HAUS1: variants seen among roughly 807,000 people sequenced by gnomAD.
The protein encoded by HAUS1 is HAUS augmin like complex subunit 1.
Under a neutral mutation model 38.6 loss-of-function variants are expected in HAUS1, and 25 were observed. The ratio of observed to expected loss-of-function variants is 0.65; its 90% confidence interval spans 0.47 to 0.91. HAUS1 has a LOEUF of 0.91. Among genes scored for constraint, HAUS1 ranks in the 40% least tolerant of loss-of-function variants. The pLI is 0.00. For missense variants in HAUS1, 325 were observed against 328.4 expected, an observed-to-expected ratio of 0.99 and a Z score of 0.08; for synonymous variants, 109 against 112.9, an observed-to-expected ratio of 0.97 and a Z score of 0.22.
At chr18:46,108,888 G>T (rs970836315) in intron 2 of HAUS1, among the ~76,000 whole-genome samples, 1 of 151,746 alleles carries the variant, frequency 6.6e-6, no homozygotes, top group Admixed American at 6.6e-5. Flanking sequence ...TGGCTAACAC[G>T]GTGAAATCCC....
intron 6 of HAUS1, among the ~76,000 whole-genome samples, chr18:46,123,730 A>G (rs1367990512): frequency 1.3e-5 from 2 of 152,164 alleles, no homozygotes; most frequent in Non-Finnish European, 2.9e-5. Context: ...TACCAAATGC[A>G]ATTCTGGGAT....
At chr18:46,121,985 G>A (rs1911955331) in intron 4 of HAUS1, among the ~76,000 whole-genome samples, 1 of 152,044 alleles carries the variant, frequency 6.6e-6, no homozygotes, top group Non-Finnish European at 1.5e-5. Flanking sequence ...AGGATTATGG[G>A]CGCATGCCAC....
At chr18:46,110,435 C>G (rs951894476) in intron 2 of HAUS1, among the ~76,000 whole-genome samples, 2 of 147,330 alleles carry the variant, frequency 1.4e-5, no homozygotes, top group Non-Finnish European at 3.0e-5. Context: ...ACCTCCACCT[C>G]CTGGGTTCAA....
At chr18:46,119,455 C>CT (rs534204087) in intron 3 of HAUS1, among the ~76,000 whole-genome samples, 10 of 150,740 alleles carry the variant, frequency 6.6e-5, no homozygotes, top group African/African-American at 1.7e-4. Context: ...ATTTTTTAAA[C>CT]TTTTTTTTTA....
chr18:46,120,088 A>G (rs759452048), intron 4 of HAUS1, 28 bp downstream of exon 4: 2 of 1,507,500 alleles, frequency 1.3e-6, no homozygotes, highest in East Asian at 4.6e-5. Flanking sequence ...GAGTGGTGAC[A>G]ATTTATAAAT....
chr18:46,118,545 T>G, intron 3 of HAUS1: 1 of 474,282 alleles, frequency 2.1e-6, no homozygotes, highest in Non-Finnish European at 3.8e-6. Flanking sequence ...GTGGTTCTCA[T>G]GTATATTTGG....
chr18:46,119,053 T>C (rs1911867807), intron 3 of HAUS1, among the ~76,000 whole-genome samples: 1 of 151,996 alleles, frequency 6.6e-6, no homozygotes, highest in Non-Finnish European at 1.5e-5. Flanking sequence ...GTATTTTTAG[T>C]AGAGACAGGG....
intron 1 of HAUS1, among the ~76,000 whole-genome samples, 197 bp from the exon 2 acceptor site, chr18:46,104,997 A>T (rs1040955002): frequency 2.6e-5 from 4 of 151,790 alleles, no homozygotes; most frequent in African/African-American, 9.7e-5. Context: ...TCAGTATTGT[A>T]CGTTTCTTTG....
chr18:46,115,330 G>A (rs1239376189), intron 2 of HAUS1: 1 of 152,114 alleles, frequency 6.6e-6, no homozygotes, highest in East Asian at 1.9e-4. Context: ...ATGGTGGCAT[G>A]TCCCTGTAAT....
intron 2 of HAUS1, among the ~76,000 whole-genome samples, chr18:46,106,129 A>T (rs1911471438): frequency 6.6e-6 from 1 of 152,194 alleles, no homozygotes; most frequent in African/African-American, 2.4e-5. Context: ...ATGACTACGT[A>T]TCAGGAGATT....
At chr18:46,110,333 GTT>G (rs71160713) in intron 2 of HAUS1, among the ~76,000 whole-genome samples, 218 of 50,004 alleles carry the variant, frequency 4.4e-3, no homozygotes, top group Admixed American at 6.2e-3. Context: ...TTTTTTTAAG[GTT>G]TTTTTTTTTT....
rs545678543 is a variant in HAUS1, at chr18:46,124,011, G to C, written c.666+647G>C. On this transcript the variant is annotated intron_variant, in intron 6 of 8. Transcript: ENST00000282058. ...CCACCTTGGCCTCCCAAAGTGCTGG[G>C]GTTAGAAGTGTAAGCCACCACACCC... Among the ~76,000 whole-genome samples the C allele has an allele frequency of 4.1e-4, 63 of 152,074 alleles. 1 individual carries two copies. In the South Asian group the frequency reaches 0.013, roughly 31 times the overall value.
chr18:46,117,162 T>C (rs1364640600), intron 2 of HAUS1, among the ~76,000 whole-genome samples: 1 of 152,208 alleles, frequency 6.6e-6, no homozygotes, highest in Non-Finnish European at 1.5e-5. Context: ...AGTTAACATA[T>C]GACCAGCAAT....
intron 5 of HAUS1, chr18:46,123,078 G>A: frequency 2.2e-6 from 1 of 450,924 alleles, no homozygotes; most frequent in Admixed American, 3.8e-5. Context: ...GGGCGTGGTG[G>A]TGGGCGCCTG....
At position 46,105,176 on chromosome 18, in the gene HAUS1, C is replaced by T; in HGVS notation, c.31-18C>T. ...AGTAAACAAGGCTTATAATATTTGTCTTTCTTTTAATGGTTAGGTTGCTGC... is the reference window on the plus strand; with the variant it reads ...AGTAAACAAGGCTTATAATATTTGTTTTTCTTTTAATGGTTAGGTTGCTGC... On this transcript the variant is annotated intron_variant, in intron 1 of 8. Coordinates refer to ENST00000282058, the MANE Select transcript of HAUS1 (RefSeq NM_138443.4). The T allele has an allele frequency of 1.3e-6, 2 of 1,576,406 alleles. No homozygotes were observed. Among genetic ancestry groups the T allele is most frequent in the Non-Finnish European group, 1.7e-6 (2 of 1,151,252 alleles).
At chr18:46,110,067 A>G (rs1043918424) in intron 2 of HAUS1, among the ~76,000 whole-genome samples, 1 of 151,902 alleles carries the variant, frequency 6.6e-6, no homozygotes, top group Non-Finnish European at 1.5e-5. Context: ...ATTTCAGCCT[A>G]CAAAACTTCC....
chr18:46,119,120 C>G (rs552103706), intron 3 of HAUS1, among the ~76,000 whole-genome samples: 3 of 152,176 alleles, frequency 2.0e-5, no homozygotes, highest in Non-Finnish European at 2.9e-5. Context: ...CTACCCACCT[C>G]TGCCTCCCAA....
At position 46,124,884 on chromosome 18, in the gene HAUS1, C is replaced by T. The variant is rs1342513316; in HGVS notation, c.729C>T (p.Asp243=). The T allele has an allele frequency of 6.4e-7, 1 of 1,567,710 alleles. No individual in the cohort carries two copies. The highest frequency in any genetic ancestry group is 2.2e-5 in the East Asian group (1 of 44,604). ...PLKKKLESYL[D]LMPNPSLAQV... is the part of the protein sequence containing the mutation. ...AGAAAAAATTGGAGTCCTATTTAGA[C>T]TTAATGCCGGTAATAATTTTCGCGA... Residue 243 remains aspartate (D), a synonymous_variant, in exon 7 of 9, where the codon GAC becomes GAT. Coordinates refer to ENST00000282058, the MANE Select transcript of HAUS1 (RefSeq NM_138443.4).
At chr18:46,122,895 C>T (rs1911983599) in intron 5 of HAUS1, among the ~76,000 whole-genome samples, 1 of 152,088 alleles carries the variant, frequency 6.6e-6, no homozygotes, top group Non-Finnish European at 1.5e-5. Flanking sequence ...ACTTGTAGCT[C>T]CTCTTTACTG....
Sources: gnomAD v4.1 joint callset for allele counts (sites outside exome capture counted in the v4.1 genomes callset) on GRCh38, gnomAD v4.1.1 for gene constraint, MANE v1.5 for transcripts, NCBI Gene and HGNC (gene_info 2026-07-23, HGNC 2026-07-21) for gene names.